Variants in DENND2B observed in about 807,000 individuals in gnomAD.
The protein encoded by DENND2B is DENN domain-containing protein 2B.
In DENND2B, 32 loss-of-function variants were observed where a neutral mutation model predicts 116.0. The observed-to-expected ratio is 0.28, with a 90% confidence interval of 0.21 to 0.37. The LOEUF (loss-of-function observed/expected upper bound fraction) is 0.37. Ranked by LOEUF, DENND2B falls within the 10% of genes least tolerant of loss-of-function variation. DENND2B has a pLI of 1.00. For missense variants in DENND2B, 1,276 were observed against 1,477.7 expected (o/e 0.86, Z 2.24); for synonymous variants, 588 against 583.9 (o/e 1.01, Z -0.10).
chr11:8,842,421 C>G (rs551936849), intron 3 of DENND2B, among the ~76,000 whole-genome samples: 1 of 152,250 alleles, frequency 6.6e-6, no homozygotes, highest in Admixed American at 6.5e-5. Flanking sequence ...TCTCAAGAGT[C>G]TGGAGTTATG....
rs2044671012 is a variant in DENND2B at position 8,715,868 on chromosome 11, G to A, written c.1630-50C>T. 2.0e-6 allele frequency: 3 copies of A among 1,520,612 alleles called. No individual in the cohort carries two copies. The African/African-American group carries it at 4.1e-5, about 21-fold the overall frequency. 94.2% of individuals were successfully genotyped at this position (1,520,612 alleles called of 1,614,324 possible). On this transcript the variant is annotated intron_variant, in intron 5 of 19. Coordinates refer to ENST00000313726, the MANE Select transcript of DENND2B (RefSeq NM_213618.2). Reference sequence around the variant, plus strand: ...AGAGGGGCTTGCCACAGAGGCCTTGGCCAGTGTCTGTCTGCTGGGATGGGG... The same window carrying A: ...AGAGGGGCTTGCCACAGAGGCCTTGACCAGTGTCTGTCTGCTGGGATGGGG...
chr11:8,821,361 G>A (rs2061756530), intron 4 of DENND2B, among the ~76,000 whole-genome samples: 1 of 151,090 alleles, frequency 6.6e-6, no homozygotes, highest in African/African-American at 2.4e-5. Context: ...GGCCAAGGTG[G>A]GAGGATCTCT....
intron 2 of DENND2B, among the ~76,000 whole-genome samples, chr11:8,742,557 T>G (rs2050409622): frequency 6.6e-6 from 1 of 152,186 alleles, no homozygotes; most frequent in African/African-American, 2.4e-5. Flanking sequence ...AGCTAATAAA[T>G]CTGATGAACT....
intron 3 of DENND2B, among the ~76,000 whole-genome samples, chr11:8,842,762 A>G (rs1420644732): frequency 6.6e-6 from 1 of 152,194 alleles, no homozygotes; most frequent in East Asian, 1.9e-4. Flanking sequence ...TGGAGACATC[A>G]TGAAAGACAA....
chr11:8,718,466 TG>T (rs776227866), intron 4 of DENND2B: 105 of 1,497,816 alleles, frequency 7.0e-5, no homozygotes, highest in Non-Finnish European at 8.8e-5. Context: ...GGCAGGGTTT[TG>T]TGTTGTTCAC....
At chr11:8,738,623 T>A (rs188276799) in intron 2 of DENND2B, among the ~76,000 whole-genome samples, 24 of 152,340 alleles carry the variant, frequency 1.6e-4, no homozygotes, top group Non-Finnish European at 2.1e-4. Flanking sequence ...CTACTGCTAC[T>A]TCTTTGGTCT....
chr11:8,805,481 T>C (rs549819885), intron 1 of DENND2B, among the ~76,000 whole-genome samples: 2 of 152,262 alleles, frequency 1.3e-5, no homozygotes, highest in African/African-American at 4.8e-5. Flanking sequence ...ATTTCCCCTT[T>C]CCTATGACTC....
intron 19 of DENND2B, chr11:8,694,476 T>C (rs2039971648): frequency 1.5e-5 from 7 of 461,230 alleles, no homozygotes; most frequent in South Asian, 8.3e-5. Context: ...AGACCTGTTA[T>C]GGTCTAGAGG....
At chr11:8,719,170 G>C in intron 4 of DENND2B, 4 of 985,634 alleles carry the variant, frequency 4.1e-6, no homozygotes, top group Non-Finnish European at 4.8e-6. Flanking sequence ...GAGGAACAAA[G>C]GCTGCTGAGA....
intron 3 of DENND2B, among the ~76,000 whole-genome samples, chr11:8,847,718 G>C (rs567093154): frequency 1.3e-5 from 2 of 152,164 alleles, no homozygotes; most frequent in South Asian, 4.1e-4. Flanking sequence ...GGCTGCAAAA[G>C]AAACAGAAAC....
At chr11:8,890,221 C>T (rs1174941095) in intron 1 of DENND2B, among the ~76,000 whole-genome samples, 1 of 152,236 alleles carries the variant, frequency 6.6e-6, no homozygotes, top group Non-Finnish European at 1.5e-5. Flanking sequence ...GAAAGGACAT[C>T]CACACCAAAA....
At chr11:8,846,595 C>T (rs2062823498) in intron 3 of DENND2B, among the ~76,000 whole-genome samples, 1 of 152,188 alleles carries the variant, frequency 6.6e-6, no homozygotes, top group Non-Finnish European at 1.5e-5. Context: ...AACAGCTTCC[C>T]TCCTCTGTGC....
intron 2 of DENND2B, among the ~76,000 whole-genome samples, chr11:8,868,391 TA>T (rs1452583219): frequency 6.6e-6 from 1 of 152,238 alleles, no homozygotes; most frequent in Non-Finnish European, 1.5e-5. Flanking sequence ...CTTTAAAACC[TA>T]AACAATGTCT....
chr11:8,716,623 GAA>G (rs946815304), intron 5 of DENND2B, among the ~76,000 whole-genome samples: 1 of 151,318 alleles, frequency 6.6e-6, no homozygotes. Flanking sequence ...AAGCCTGTTT[GAA>G]AAGAGTCCTA....
chr11:8,779,398 G>A (rs2058100346), intron 1 of DENND2B, among the ~76,000 whole-genome samples: 1 of 152,094 alleles, frequency 6.6e-6, no homozygotes, highest in African/African-American at 2.4e-5. Context: ...GGTGTGACTT[G>A]GTAAAAACAG....
chr11:8,837,732 G>T (rs979384648), intron 4 of DENND2B, among the ~76,000 whole-genome samples: 1 of 152,040 alleles, frequency 6.6e-6, no homozygotes, highest in Non-Finnish European at 1.5e-5. Flanking sequence ...CCACCCTCAG[G>T]GTACAAGAAT....
At chr11:8,817,644 C>T (rs777428445) in intron 4 of DENND2B, among the ~76,000 whole-genome samples, 4 of 152,126 alleles carry the variant, frequency 2.6e-5, no homozygotes, top group African/African-American at 2.4e-5. Flanking sequence ...TGCTAGGTTG[C>T]GCCCCCTCTC....
intron 1 of DENND2B, among the ~76,000 whole-genome samples, chr11:8,786,646 C>T (rs530786635): frequency 2.0e-5 from 3 of 152,076 alleles, no homozygotes; most frequent in Non-Finnish European, 4.4e-5. Flanking sequence ...CCCATCTCTA[C>T]AAAAAGTTTA....
At chr11:8,903,747 C>T (rs1345778488) in intron 1 of DENND2B, among the ~76,000 whole-genome samples, 1 of 151,408 alleles carries the variant, frequency 6.6e-6, no homozygotes, top group Non-Finnish European at 1.5e-5. Flanking sequence ...TTAGGTGGGC[C>T]TAGTGGTGAT....
Sources: allele counts gnomAD v4.1 joint callset (sites outside exome capture counted in the v4.1 genomes callset), GRCh38; gene constraint gnomAD v4.1.1; transcripts MANE v1.5; gene names NCBI Gene and HGNC (gene_info 2026-07-23, HGNC 2026-07-21).